NPIPA1: variants seen among roughly 807,000 people sequenced by gnomAD.
NPIPA1 encodes nuclear pore complex-interacting protein family member A1.
For synonymous variants in NPIPA1, 7 were observed against 88.0 expected, an observed-to-expected ratio of 0.08 and a Z score of 5.15; for missense variants, 22 against 232.2, an observed-to-expected ratio of 0.09 and a Z score of 5.88.
intron 4 of NPIPA1, among the ~76,000 whole-genome samples, chr16:14,947,204 A>G (rs1159276436): frequency 6.6e-6 from 1 of 152,248 alleles, no homozygotes; most frequent in Non-Finnish European, 1.5e-5. Flanking sequence ...CTGCCATATG[A>G]CTGATCTTTT....
At chr16:14,938,627 A>G (rs1315814767) in intron 1 of NPIPA1, among the ~76,000 whole-genome samples, 1 of 136,040 alleles carries the variant, frequency 7.4e-6, no homozygotes, top group Non-Finnish European at 1.5e-5. Context: ...GCTTGGGCCC[A>G]GGAGCTGGAC....
At chr16:14,940,376 A>G (rs966559189) in intron 1 of NPIPA1, among the ~76,000 whole-genome samples, 1 of 152,160 alleles carries the variant, frequency 6.6e-6, no homozygotes, top group Non-Finnish European at 1.5e-5. Context: ...AAATGCATCC[A>G]ATGTTATACA....
intron 2 of NPIPA1, among the ~76,000 whole-genome samples, chr16:14,943,246 T>A (rs1965796500): frequency 6.6e-6 from 1 of 150,580 alleles, no homozygotes; most frequent in South Asian, 2.1e-4. Flanking sequence ...AACCTCCACC[T>A]CCTGGCTTCA....
At chr16:14,946,945 G>A (rs1245459609) in intron 4 of NPIPA1, among the ~76,000 whole-genome samples, 5 of 152,046 alleles carry the variant, frequency 3.3e-5, no homozygotes, top group Admixed American at 1.3e-4. Flanking sequence ...CGCACAACTC[G>A]GCCTCCCAAT....
At chr16:14,943,457 G>A (rs1211266403) in intron 2 of NPIPA1, among the ~76,000 whole-genome samples, 1 of 147,566 alleles carries the variant, frequency 6.8e-6, no homozygotes, top group African/African-American at 2.5e-5. Context: ...CGTGAGCCAG[G>A]GGAAGTTTTT....
At chr16:14,940,309 T>C (rs1965718097) in intron 1 of NPIPA1, among the ~76,000 whole-genome samples, 1 of 149,416 alleles carries the variant, frequency 6.7e-6, no homozygotes, top group Non-Finnish European at 1.5e-5. Context: ...CAAAGATTCA[T>C]ATAATCCAAG....
intron 1 of NPIPA1, among the ~76,000 whole-genome samples, chr16:14,938,620 T>G (rs1965681371): frequency 2.3e-5 from 3 of 132,658 alleles, no homozygotes; most frequent in Non-Finnish European, 3.1e-5. Context: ...GAGGATCGCT[T>G]GGGCCCAGGA....
intron 1 of NPIPA1, among the ~76,000 whole-genome samples, chr16:14,938,013 TCTCCTC>T (rs1251386555): frequency 7.1e-6 from 1 of 140,014 alleles, no homozygotes; most frequent in African/African-American, 2.6e-5. Context: ...CCTTTCTTCT[TCTCCTC>T]CTCCTCCTCC....
chr16:14,947,118 T>C (rs1321591988), intron 4 of NPIPA1, among the ~76,000 whole-genome samples: 1 of 152,270 alleles, frequency 6.6e-6, no homozygotes, highest in East Asian at 1.9e-4. Flanking sequence ...CCTGGATTGT[T>C]GAACTCAATG....
chr16:14,943,061 G>A (rs1329980091), intron 2 of NPIPA1, among the ~76,000 whole-genome samples: 1 of 152,216 alleles, frequency 6.6e-6, no homozygotes, highest in Non-Finnish European at 1.5e-5. Context: ...AAATATATGA[G>A]TTATGAAGAT....
chr16:14,940,203 A>C (rs1965714712), intron 1 of NPIPA1, among the ~76,000 whole-genome samples: 1 of 106,680 alleles, frequency 9.4e-6, no homozygotes, highest in Non-Finnish European at 1.9e-5. Flanking sequence ...CCACCTTGTT[A>C]CTTTTTAAGA....
intron 4 of NPIPA1, among the ~76,000 whole-genome samples, chr16:14,947,341 C>T (rs1463740368): frequency 2.0e-5 from 3 of 151,990 alleles, no homozygotes; most frequent in African/African-American, 7.3e-5. Flanking sequence ...TCCGTACAGG[C>T]TGCAATTGAG....
intron 2 of NPIPA1, among the ~76,000 whole-genome samples, chr16:14,943,421 GC>G (rs1218664689): frequency 6.8e-6 from 1 of 148,082 alleles, no homozygotes; most frequent in Non-Finnish European, 1.5e-5. Flanking sequence ...CTCCCAAAGT[GC>G]TGGGATTACA....
chr16:14,946,595 G>A (rs1965892682), intron 4 of NPIPA1, among the ~76,000 whole-genome samples: 1 of 146,848 alleles, frequency 6.8e-6, no homozygotes, highest in South Asian at 2.2e-4. Flanking sequence ...TGCAATCTTG[G>A]CTCACTGCAA....
At chr16:14,944,606 ATTTTTTT>A (rs1194738991) in intron 2 of NPIPA1, among the ~76,000 whole-genome samples, 2 of 110,968 alleles carry the variant, frequency 1.8e-5, no homozygotes, top group Non-Finnish European at 3.9e-5. Context: ...TATTCATGTC[ATTTTTTT>A]TTTTTTTTTT....
At chr16:14,944,032 C>T (rs1323815082) in intron 2 of NPIPA1, among the ~76,000 whole-genome samples, 2 of 152,050 alleles carry the variant, frequency 1.3e-5, no homozygotes, top group African/African-American at 4.8e-5. Context: ...ACCTGTAATC[C>T]CAGCTACTTG....
chr16:14,947,370 G>C (rs1292309659), intron 4 of NPIPA1, among the ~76,000 whole-genome samples: 2 of 151,750 alleles, frequency 1.3e-5, no homozygotes, highest in Non-Finnish European at 2.9e-5. Context: ...TGCAGGCTCA[G>C]TCCCTACAAA....
chr16:14,943,687 G>A (rs1459942095), intron 2 of NPIPA1, among the ~76,000 whole-genome samples: 2 of 149,918 alleles, frequency 1.3e-5, no homozygotes, highest in African/African-American at 4.9e-5. Context: ...TCCAAACTGG[G>A]CCAGCTACCT....
At chr16:14,947,131 T>C (rs997506134) in intron 4 of NPIPA1, among the ~76,000 whole-genome samples, 34 of 152,380 alleles carry the variant, frequency 2.2e-4, no homozygotes, top group African/African-American at 7.7e-4. Context: ...ACTCAATGCT[T>C]GGGTCACCTC....
Sources: allele counts gnomAD v4.1 joint callset (sites outside exome capture counted in the v4.1 genomes callset), GRCh38; gene constraint gnomAD v4.1.1; transcripts MANE v1.5; gene names NCBI Gene and HGNC (gene_info 2026-07-23, HGNC 2026-07-21).